FKBP5: variants seen among roughly 807,000 people sequenced by gnomAD.
FKBP5 encodes peptidyl-prolyl cis-trans isomerase FKBP5.
A neutral mutation model predicts 50.5 loss-of-function variants in FKBP5; 23 were observed. The ratio of observed to expected loss-of-function variants is 0.46; its 90% CI spans 0.33 to 0.65. FKBP5 has a LOEUF of 0.65. Among genes scored for constraint, FKBP5 ranks in the 30% least tolerant of loss-of-function variants. The pLI is 0.02. For synonymous variants in FKBP5, 176 were observed against 190.6 expected (o/e 0.92, Z 0.63); for missense variants, 411 against 553.1 (o/e 0.74, Z 2.58).
At chr6:35,712,638 C>T (rs543190334) in intron 2 of FKBP5, among the ~76,000 whole-genome samples, 25 of 152,278 alleles carry the variant, frequency 1.6e-4, no homozygotes, top group Admixed American at 3.3e-4. Context: ...GATCCGAGGG[C>T]TGTCATTGCA....
At chr6:35,687,218 C>A (rs1166168891) in intron 1 of FKBP5, among the ~76,000 whole-genome samples, 1 of 152,128 alleles carries the variant, frequency 6.6e-6, no homozygotes, top group Non-Finnish European at 1.5e-5. Context: ...AACTGGGTAA[C>A]TAAATAAAGT....
chr6:35,668,708 T>C (rs902812597), intron 1 of FKBP5, among the ~76,000 whole-genome samples: 1 of 152,144 alleles, frequency 6.6e-6, no homozygotes, highest in Non-Finnish European at 1.5e-5. Flanking sequence ...CTTTAAGTTT[T>C]AGGGTACATG....
At chr6:35,644,574 C>T (rs1372538253) in intron 1 of FKBP5, among the ~76,000 whole-genome samples, 1 of 152,174 alleles carries the variant, frequency 6.6e-6, no homozygotes, top group African/African-American at 2.4e-5. Context: ...GTTTCTAGTA[C>T]GCTTTATACC....
intron 1 of FKBP5, among the ~76,000 whole-genome samples, chr6:35,650,643 T>A (rs773496461): frequency 6.6e-6 from 1 of 151,770 alleles, no homozygotes; most frequent in Non-Finnish European, 1.5e-5. Context: ...CCCGGCTAAT[T>A]TTTGTATTTT....
At chr6:35,626,783 G>A (rs1447920593) in intron 3 of FKBP5, among the ~76,000 whole-genome samples, 2 of 152,094 alleles carry the variant, frequency 1.3e-5, no homozygotes, top group African/African-American at 2.4e-5. Flanking sequence ...ATGCCCTCAA[G>A]GTTCGTCCAT....
intron 6 of FKBP5, among the ~76,000 whole-genome samples, chr6:35,593,093 C>T (rs1450452312): frequency 2.0e-5 from 3 of 152,192 alleles, no homozygotes; most frequent in Non-Finnish European, 2.9e-5. Flanking sequence ...GGTGGAAGCC[C>T]ACGCCAAGAT....
intron 1 of FKBP5, among the ~76,000 whole-genome samples, chr6:35,650,348 T>A (rs1453136481): frequency 1.4e-5 from 2 of 148,016 alleles, no homozygotes; most frequent in Non-Finnish European, 3.0e-5. Flanking sequence ...GTAAATGAAG[T>A]GTATTGTTAA....
intron 2 of FKBP5, among the ~76,000 whole-genome samples, chr6:35,707,034 G>A (rs569938033): frequency 6.6e-6 from 1 of 152,176 alleles, no homozygotes; most frequent in East Asian, 1.9e-4. Flanking sequence ...AGTCCCAGTG[G>A]AACTTTATGG....
chr6:35,709,877 TA>T (rs35553126), intron 2 of FKBP5, among the ~76,000 whole-genome samples: 7 of 149,142 alleles, frequency 4.7e-5, no homozygotes, highest in African/African-American at 4.9e-5. Flanking sequence ...TGCTTTTAGG[TA>T]AAAAAAAAAA....
intron 5 of FKBP5, among the ~76,000 whole-genome samples, chr6:35,608,832 G>A (rs1008550980): frequency 6.6e-6 from 1 of 152,072 alleles, no homozygotes; most frequent in African/African-American, 2.4e-5. Context: ...TTGACACAGA[G>A]TCTCCCTCTG....
At chr6:35,620,475 GC>G (rs767119527) in intron 3 of FKBP5, among the ~76,000 whole-genome samples, 2 of 151,668 alleles carry the variant, frequency 1.3e-5, no homozygotes, top group Non-Finnish European at 2.9e-5. Flanking sequence ...CTGTTGATCG[GC>G]CCAGCACTTT....
intron 6 of FKBP5, among the ~76,000 whole-genome samples, chr6:35,594,728 G>A (rs1207665714): frequency 2.0e-5 from 3 of 152,128 alleles, no homozygotes; most frequent in East Asian, 1.9e-4. Context: ...GTAGTACTAC[G>A]CAATGCATAT....
At chr6:35,631,027 A>G (rs1445847932) in intron 3 of FKBP5, among the ~76,000 whole-genome samples, 2 of 152,222 alleles carry the variant, frequency 1.3e-5, no homozygotes, top group Non-Finnish European at 1.5e-5. Flanking sequence ...AAAACATACA[A>G]ATGCCCACTA....
At chr6:35,602,213 C>T (rs1763167962) in intron 5 of FKBP5, among the ~76,000 whole-genome samples, 1 of 152,072 alleles carries the variant, frequency 6.6e-6, no homozygotes, top group Non-Finnish European at 1.5e-5. Context: ...GCAAGAACCC[C>T]TAAACCATGC....
At chr6:35,705,669 T>C (rs964980207) in intron 2 of FKBP5, among the ~76,000 whole-genome samples, 1 of 152,160 alleles carries the variant, frequency 6.6e-6, no homozygotes, top group Non-Finnish European at 1.5e-5. Context: ...CATTTAAGTA[T>C]TCAGTACTAA....
chr6:35,725,747 T>C (rs1407670029), intron 1 of FKBP5, among the ~76,000 whole-genome samples: 1 of 152,088 alleles, frequency 6.6e-6, no homozygotes, highest in Non-Finnish European at 1.5e-5. Flanking sequence ...GCGGCCAGTG[T>C]AGGACTGGAC....
intron 6 of FKBP5, among the ~76,000 whole-genome samples, chr6:35,595,637 G>C (rs1346443153): frequency 6.6e-6 from 1 of 152,022 alleles, no homozygotes; most frequent in African/African-American, 2.4e-5. Flanking sequence ...TGTAGTCCCA[G>C]CTACTCTAGA....
chr6:35,707,697 C>T (rs1473041276), intron 2 of FKBP5, among the ~76,000 whole-genome samples: 2 of 152,120 alleles, frequency 1.3e-5, no homozygotes, highest in Non-Finnish European at 2.9e-5. Context: ...TCTCCCTTCT[C>T]TCTCCTCCCA....
chr6:35,579,193 T>C (rs1439402155), intron 9 of FKBP5, among the ~76,000 whole-genome samples: 1 of 151,896 alleles, frequency 6.6e-6, no homozygotes, highest in Admixed American at 6.5e-5. Flanking sequence ...CCGCTCTGTA[T>C]GAAAAAAACG....
Sources: gnomAD v4.1 joint callset for allele counts (sites outside exome capture counted in the v4.1 genomes callset) on GRCh38, gnomAD v4.1.1 for gene constraint, MANE v1.5 for transcripts, NCBI Gene and HGNC (gene_info 2026-07-23, HGNC 2026-07-21) for gene names.